The following FBXL2 variants were observed in gnomAD, a reference collection of about 807,000 sequenced individuals.
FBXL2 encodes F-box and leucine rich repeat protein 2.
A neutral mutation model predicts 69.2 loss-of-function variants in FBXL2; 38 were observed. The observed-to-expected ratio is 0.55, with a 90% confidence interval of 0.42 to 0.72. FBXL2 has a LOEUF of 0.72. Ranked by LOEUF, FBXL2 falls within the 30% of genes least tolerant of loss-of-function variation. FBXL2 has a pLI of 0.00. For synonymous variants in FBXL2, 192 were observed against 201.3 expected (o/e 0.95, Z 0.39); for missense variants, 354 against 520.3 (o/e 0.68, Z 3.11).
At chr3:33,313,759 T>C (rs747287585) in intron 2 of FBXL2, among the ~76,000 whole-genome samples, 1 of 152,164 alleles carries the variant, frequency 6.6e-6, no homozygotes, top group South Asian at 2.1e-4. Context: ...ATTTAACTTA[T>C]TCAGTACTCA....
At chr3:33,411,650 C>T in the FBXL2 span, 5 of 1,614,114 alleles carry the variant, frequency 3.1e-6, no homozygotes, top group Non-Finnish European at 2.5e-6. Context: ...GGCTTGGATT[C>T]GTCCTTGTGT....
intron 2 of FBXL2, among the ~76,000 whole-genome samples, chr3:33,310,864 T>C (rs547165566): frequency 6.6e-6 from 1 of 152,270 alleles, no homozygotes; most frequent in African/African-American, 2.4e-5. Context: ...AACCTCCGCC[T>C]CCTGGGTTCA....
At chr3:33,370,081 T>C (rs2042191764) in intron 5 of FBXL2, among the ~76,000 whole-genome samples, 1 of 152,132 alleles carries the variant, frequency 6.6e-6, no homozygotes, top group South Asian at 2.1e-4. Flanking sequence ...CCAGCTCTTC[T>C]ATGTCTAAAA....
At chr3:33,375,470 C>A (rs1264678270) in intron 10 of FBXL2, 52 bp downstream of exon 10, 4 of 1,592,102 alleles carry the variant, frequency 2.5e-6, no homozygotes, top group Non-Finnish European at 3.4e-6. Flanking sequence ...CTGAGTTAAC[C>A]AAGAGGGCTT....
the FBXL2 span, chr3:33,409,104 A>T: frequency 2.3e-6 from 2 of 884,422 alleles, no homozygotes; most frequent in Non-Finnish European, 3.5e-6. Flanking sequence ...TTTCCCCAGA[A>T]ATTTCACAGA....
intron 2 of FBXL2, among the ~76,000 whole-genome samples, chr3:33,354,280 G>A (rs1301003775): frequency 2.6e-5 from 4 of 152,062 alleles, no homozygotes; most frequent in Admixed American, 6.6e-5. Context: ...TTGGGAGGCC[G>A]AGGCGGGTGG....
At chr3:33,420,513 A>G in the FBXL2 span, among the ~76,000 whole-genome samples, 37,084 of 141,808 alleles carry the variant, frequency 0.26, 5,712 homozygotes, top group East Asian at 0.46. Context: ...TTTTGGAGAC[A>G]GAGTCTCACA....
chr3:33,301,183 G>A (rs1372596708), intron 2 of FBXL2, among the ~76,000 whole-genome samples: 7 of 151,982 alleles, frequency 4.6e-5, no homozygotes, highest in African/African-American at 7.3e-5. Context: ...TCTACCCTTG[G>A]CTTATATTTT....
At chr3:33,317,920 A>G (rs2037850294) in intron 2 of FBXL2, among the ~76,000 whole-genome samples, 1 of 152,198 alleles carries the variant, frequency 6.6e-6, no homozygotes, top group African/African-American at 2.4e-5. Context: ...GATTAGGGAT[A>G]CTCAGCCCAT....
At chr3:33,405,854 T>G (rs962589989), downstream of FBXL2, among the ~76,000 whole-genome samples, 7 of 152,148 alleles carry the variant, frequency 4.6e-5, no homozygotes, top group Non-Finnish European at 1.0e-4. Context: ...GGGCAGAAAT[T>G]AAGTCTCACC....
At chr3:33,332,693 A>G (rs1185559180) in intron 2 of FBXL2, among the ~76,000 whole-genome samples, 4 of 152,250 alleles carry the variant, frequency 2.6e-5, no homozygotes, top group Admixed American at 6.5e-5. Context: ...TGTAGGCTAT[A>G]TGGTAGCCTA....
At position 33,376,999 on chromosome 3, in the gene FBXL2, GCAAAA is replaced by G. The variant is rs1246216685; in HGVS notation, c.789-258_789-254del. Reference sequence around the variant, plus strand: ...TGGGTGACAGTATGAGACGCTGTTTGCAAAACAAAACAAAACAAAAACAAAACCAA... The same window carrying G: ...TGGGTGACAGTATGAGACGCTGTTTGCAAAACAAAACAAAAACAAAACCAA... On this transcript the variant is annotated intron_variant, in intron 10 of 14. Transcript: ENST00000484457. Among the ~76,000 whole-genome samples, 5 of 152,162 alleles carry G rather than the reference GCAAAA, an allele frequency of 3.3e-5. No homozygotes were observed. In the East Asian group the frequency reaches 9.7e-4, roughly 29 times the overall value.
At chr3:33,383,395 T>A (rs2043189391) in intron 13 of FBXL2, 1 of 154,902 alleles carries the variant, frequency 6.5e-6, no homozygotes, top group African/African-American at 2.4e-5. Context: ...TTTGGCTATA[T>A]AATATTCATC....
At chr3:33,299,094 T>G (rs191912359) in intron 2 of FBXL2, among the ~76,000 whole-genome samples, 48 of 151,354 alleles carry the variant, frequency 3.2e-4, no homozygotes, top group Admixed American at 1.2e-3. Flanking sequence ...CAGGCTGGAG[T>G]GCAATGGCAT....
chr3:33,328,801 ATGTGTGTGTG>A (rs60685309), intron 2 of FBXL2, among the ~76,000 whole-genome samples: 7 of 146,882 alleles, frequency 4.8e-5, no homozygotes, highest in African/African-American at 1.5e-4. Flanking sequence ...GTGTGTGTGC[ATGTGTGTGTG>A]TGTGTGTGTG....
intron 2 of FBXL2, among the ~76,000 whole-genome samples, chr3:33,355,223 C>G (rs555707631): frequency 6.6e-6 from 1 of 152,064 alleles, no homozygotes. Flanking sequence ...AGCCACCACT[C>G]GCTGCCAAAA....
At chr3:33,298,099 C>A in intron 2 of FBXL2, 1 of 242,508 alleles carries the variant, frequency 4.1e-6, no homozygotes, top group Non-Finnish European at 8.2e-6. Flanking sequence ...TGTTTTCAGA[C>A]AAATGAGTTT....
chr3:33,359,067 T>C, intron 3 of FBXL2, 46 bp downstream of exon 3: 1 of 1,297,648 alleles, frequency 7.7e-7, no homozygotes, highest in South Asian at 1.6e-5. Context: ...TCAAGTTTTA[T>C]TAGAATGAGT....
intron 12 of FBXL2, among the ~76,000 whole-genome samples, chr3:33,398,707 A>G (rs1292191182): frequency 6.6e-6 from 1 of 152,236 alleles, no homozygotes; most frequent in South Asian, 2.1e-4. Flanking sequence ...CACTGCTCAC[A>G]GCGAAAGGGA....
Sources: gnomAD v4.1 joint callset for allele counts (sites outside exome capture counted in the v4.1 genomes callset) on GRCh38, gnomAD v4.1.1 for gene constraint, MANE v1.5 for transcripts, NCBI Gene and HGNC (gene_info 2026-07-23, HGNC 2026-07-21) for gene names.